Variants in SPDL1 observed in about 807,000 individuals in gnomAD.
SPDL1 encodes protein Spindly.
Under a neutral mutation model 79.5 loss-of-function variants are expected in SPDL1, and 85 were observed. That is an observed-to-expected ratio of 1.07 (90% CI 0.90 to 1.28). The LOEUF is 1.28. SPDL1 is among the 50% of genes most tolerant of loss of function. SPDL1 has a pLI of 0.00. For missense variants in SPDL1, 703 were observed against 697.8 expected, an observed-to-expected ratio of 1.01 and a Z score of -0.08; for synonymous variants, 269 against 240.3, an observed-to-expected ratio of 1.12 and a Z score of -1.10.
intron 3 of SPDL1, 47 bp from the exon 4 acceptor site, chr5:169,593,307 G>A (rs55681815): frequency 3.4e-6 from 5 of 1,481,540 alleles, no homozygotes; most frequent in Non-Finnish European, 3.6e-6. Context: ...ATTGTTTTTA[G>A]AAAGAAAATA....
chr5:169,593,248 C>T (rs1755391769), intron 3 of SPDL1, 106 bp from the exon 4 acceptor site: 3 of 995,020 alleles, frequency 3.0e-6, no homozygotes, highest in South Asian at 3.6e-5. Context: ...ATAGGAAACT[C>T]CAATAGTATC....
intron 11 of SPDL1, chr5:169,601,976 C>G (rs1755955717): frequency 3.2e-6 from 1 of 315,606 alleles, no homozygotes; most frequent in African/African-American, 2.2e-5. Context: ...AATTAACTTA[C>G]TTTCTCAAAG....
intron 1 of SPDL1, 71 bp from the exon 2 acceptor site, chr5:169,588,322 TC>T (rs1755084699): frequency 5.7e-6 from 6 of 1,055,838 alleles, no homozygotes; most frequent in Non-Finnish European, 8.2e-6. Flanking sequence ...TAGATATGTT[TC>T]TTCTGTTATT....
chr5:169,600,597 C>T (rs889860017), intron 10 of SPDL1, among the ~76,000 whole-genome samples: 2 of 152,118 alleles, frequency 1.3e-5, no homozygotes, highest in Non-Finnish European at 2.9e-5. Context: ...GATATTAGAG[C>T]AGTTAATTCA....
intron 8 of SPDL1, 87 bp downstream of exon 8, chr5:169,596,788 A>G: frequency 8.9e-7 from 1 of 1,128,144 alleles, no homozygotes. Context: ...TAAATTATTA[A>G]TAAATATCTT....
intron 3 of SPDL1, among the ~76,000 whole-genome samples, chr5:169,591,656 C>T (rs1755294907): frequency 6.6e-6 from 1 of 152,182 alleles, no homozygotes. Context: ...TGAGGATAAA[C>T]TAATACATGT....
chr5:169,589,869 A>T (rs1254361265), intron 2 of SPDL1, among the ~76,000 whole-genome samples: 1 of 151,754 alleles, frequency 6.6e-6, no homozygotes, highest in African/African-American at 2.4e-5. Context: ...CATCCGGCTA[A>T]TTTTTGTGTT....
chr5:169,598,914 A>G, intron 9 of SPDL1, 58 bp from the exon 10 acceptor site: 1 of 1,491,826 alleles, frequency 6.7e-7, no homozygotes, highest in Non-Finnish European at 8.9e-7. Flanking sequence ...TATTTATACC[A>G]CTACACTTAT....
chr5:169,584,216 A>G (rs966353657), intron 1 of SPDL1: 3 of 152,258 alleles, frequency 2.0e-5, no homozygotes, highest in Admixed American at 6.5e-5. Context: ...TGGGAGATAC[A>G]TATTGGGTTT....
At position 169,601,815 on chromosome 5, in the gene SPDL1, G is replaced by GCAAA. The variant is rs1311503104; in HGVS notation, c.1670+190_1670+191insCAAA. On this transcript the variant is annotated intron_variant, in intron 11 of 11. Coordinates refer to ENST00000265295, the MANE Select transcript of SPDL1 (RefSeq NM_017785.5). The stretch of plus-strand genomic sequence containing the variant: ...AGACTAAACTGATTGCAAAGGGAAA[G>GCAAA]GACTCTTGAATAAGGCAATCACATT... The GCAAA allele has an allele frequency of 1.3e-4, 93 of 693,204 alleles. 1 individual carries two copies. Among genetic ancestry groups the GCAAA allele is most frequent in the Middle Eastern group, 4.7e-4 (2 of 4,254 alleles). 42.9% of individuals were successfully genotyped at this position (693,204 alleles called of 1,614,324 possible).
intron 3 of SPDL1, 81 bp downstream of exon 3, chr5:169,591,305 T>G (rs1755274008): frequency 1.4e-6 from 2 of 1,459,826 alleles, no homozygotes; most frequent in Non-Finnish European, 1.9e-6. Flanking sequence ...AAAGATTTTC[T>G]TAAGTGTCAG....
chr5:169,592,360 G>A (rs538614314), intron 3 of SPDL1, among the ~76,000 whole-genome samples: 4,681 of 151,452 alleles, frequency 0.031, 100 homozygotes, highest in Middle Eastern at 0.072. Flanking sequence ...TGGGATTACA[G>A]GTGTGCGCCA....
At chr5:169,589,128 A>T (rs1755139186) in intron 2 of SPDL1, among the ~76,000 whole-genome samples, 1 of 152,176 alleles carries the variant, frequency 6.6e-6, no homozygotes, top group Non-Finnish European at 1.5e-5. Flanking sequence ...ATATACCAAA[A>T]ATCTAGAACT....
intron 1 of SPDL1, among the ~76,000 whole-genome samples, chr5:169,585,737 C>A (rs527976575): frequency 6.6e-6 from 1 of 152,230 alleles, no homozygotes; most frequent in South Asian, 2.1e-4. Context: ...TTTTTTCTCT[C>A]TTAAACCCTG....
At chr5:169,589,454 C>T (rs568141316) in intron 2 of SPDL1, among the ~76,000 whole-genome samples, 1 of 152,188 alleles carries the variant, frequency 6.6e-6, no homozygotes, top group African/African-American at 2.4e-5. Context: ...TTTGTAGATC[C>T]CTATGTGACC....
At chr5:169,603,752 G>C (rs1250190333) in intron 11 of SPDL1, among the ~76,000 whole-genome samples, 2 of 152,144 alleles carry the variant, frequency 1.3e-5, no homozygotes, top group Non-Finnish European at 2.9e-5. Flanking sequence ...TACTCCGGTG[G>C]CTGAGGCAGG....
chr5:169,603,729 C>G (rs1050118605), intron 11 of SPDL1, among the ~76,000 whole-genome samples: 5 of 152,158 alleles, frequency 3.3e-5, no homozygotes, highest in Admixed American at 1.3e-4. Context: ...GGGTGCGCAC[C>G]TATAGTCCCA....
At position 169,604,299 on chromosome 5, in the gene SPDL1, G is replaced by T. The variant is rs1417128708; in HGVS notation, c.*92G>T. On this transcript the variant is annotated 3_prime_UTR_variant, in exon 12 of 12. Coordinates refer to ENST00000265295, the MANE Select transcript of SPDL1 (RefSeq NM_017785.5). ...TTGATCTGACATATATCACCTTCTG[G>T]GTTATTTACTCATTGTGCCAGGACC... 1.6e-6 allele frequency: 2 copies of T among 1,243,542 alleles called. No individual in the cohort carries two copies. Among genetic ancestry groups the T allele is most frequent in the South Asian group, 2.1e-5 (1 of 47,566 alleles). The allele number at this position is 1,243,542 out of a possible 1,614,324, so 77.0% of individuals were successfully genotyped here.
intron 2 of SPDL1, chr5:169,590,764 T>C (rs779207445): frequency 8.1e-6 from 4 of 495,246 alleles, no homozygotes; most frequent in South Asian, 6.2e-5. Context: ...AGAGATTACT[T>C]GACTTGACGT....
Sources: gnomAD v4.1 joint callset for allele counts (sites outside exome capture counted in the v4.1 genomes callset) on GRCh38, gnomAD v4.1.1 for gene constraint, MANE v1.5 for transcripts, NCBI Gene and HGNC (gene_info 2026-07-23, HGNC 2026-07-21) for gene names.